The following MEGF6 variants were observed in gnomAD, a reference collection of about 807,000 sequenced individuals.
The protein encoded by MEGF6 is multiple EGF like domains 6, also known as multiple epidermal growth factor-like domains protein 6.
MEGF6 carries 184 observed loss-of-function variants against 207.1 expected under a neutral mutation model. That is an observed-to-expected ratio of 0.89 (90% confidence interval 0.79 to 1.00). MEGF6 has a LOEUF of 1.00. Among genes scored for constraint, MEGF6 ranks in the 50% least tolerant of loss-of-function variants. MEGF6 has a pLI of 0.00. For missense variants in MEGF6, 2,282 were observed against 2,202.9 expected, an observed-to-expected ratio of 1.04 and a Z score of -0.72; for synonymous variants, 1,038 against 910.0, an observed-to-expected ratio of 1.14 and a Z score of -2.53.
intron 5 of MEGF6, among the ~76,000 whole-genome samples, chr1:3,523,083 G>GGC (rs1557747163): frequency 6.6e-6 from 1 of 151,980 alleles, no homozygotes; most frequent in African/African-American, 2.4e-5. Context: ...CCGGGGGGGG[G>GGC]GCCCCAGGGC....
At chr1:3,546,929 C>CAGGG (rs1642733582) in intron 4 of MEGF6, 1 of 95,642 alleles carries the variant, frequency 1.0e-5, no homozygotes, top group South Asian at 2.9e-4. Flanking sequence ...AGGGGGCTGC[C>CAGGG]AGGCGGGGTG....
At chr1:3,520,577 G>A (rs1641707995) in intron 5 of MEGF6, among the ~76,000 whole-genome samples, 1 of 152,064 alleles carries the variant, frequency 6.6e-6, no homozygotes, top group African/African-American at 2.4e-5. Context: ...GGGCACACCA[G>A]GACTGAGCGG....
the MEGF6 span, among the ~76,000 whole-genome samples, chr1:3,620,183 A>T: frequency 6.6e-6 from 1 of 152,240 alleles, no homozygotes; most frequent in African/African-American, 2.4e-5. Context: ...GAAAGTGTAC[A>T]GTCATGTGCG....
intron 10 of MEGF6, 86 bp from the exon 11 acceptor site, chr1:3,510,078 C>G (rs1223628702): frequency 6.7e-7 from 1 of 1,487,746 alleles, no homozygotes; most frequent in African/African-American, 1.4e-5. Flanking sequence ...ACCCACAGGA[C>G]TGAAGCCCTG....
chr1:3,501,931 A>G lies in MEGF6; in HGVS notation c.2189-10T>C, dbSNP rs2100944866. ...GTCCCCACCGGGCACTCTGCAGGAG[A>G]AAGCACGAGGGGCCTTAGCCGCACC... On this transcript the variant is annotated splice_polypyrimidine_tract_variant and intron_variant, in intron 17 of 36. Transcript: ENST00000356575. 1 of 1,518,718 alleles carries G rather than the reference A, an allele frequency of 6.6e-7. No individual in the cohort carries two copies. The highest frequency in any genetic ancestry group is 8.8e-7 in the Non-Finnish European group (1 of 1,130,952). The allele number at this position is 1,518,718 out of a possible 1,614,324, so 94.1% of individuals were successfully genotyped here.
chr1:3,499,836 G>A lies in MEGF6; in HGVS notation c.2796C>T (p.Cys932=), dbSNP rs1640778917. ...GAACDHVSGA[C]TCPAGWRGTF... Reference sequence around the variant, plus strand: ...TGCCCCTCCAGCCGGCCGGGCAGGTGCAGGCCCCGCTGACGTGGTCACAGG... The same window carrying A: ...TGCCCCTCCAGCCGGCCGGGCAGGTACAGGCCCCGCTGACGTGGTCACAGG... The change falls in exon 22 of 37, where the codon TGC becomes TGT. Residue 932 remains cysteine (C), a synonymous_variant. Coordinates refer to ENST00000356575, the MANE Select transcript of MEGF6 (RefSeq NM_001409.4). 1.3e-6 allele frequency: 2 copies of A among 1,553,512 alleles called. No homozygotes were observed. The highest frequency in any genetic ancestry group is 1.4e-5 in the African/African-American group (1 of 73,472).
At chr1:3,525,643 G>A (rs1641933232) in intron 4 of MEGF6, among the ~76,000 whole-genome samples, 1 of 152,242 alleles carries the variant, frequency 6.6e-6, no homozygotes, top group African/African-American at 2.4e-5. Context: ...CAGGGAAAGT[G>A]CTGGCTGGAA....
At chr1:3,586,738 G>T (rs1438062943) in intron 3 of MEGF6, among the ~76,000 whole-genome samples, 1 of 152,202 alleles carries the variant, frequency 6.6e-6, no homozygotes, top group Non-Finnish European at 1.5e-5. Context: ...GTCCACAGAG[G>T]GCCCTGCAGC....
At position 3,494,202 on chromosome 1, in the gene MEGF6, G is replaced by T. The variant is rs746906642; in HGVS notation, c.4130-78C>A. ...AGTTTGCCCAGAGTGAGTAAAACCCGCCAATCCAGGGGCCCGAGAAAAGCC... is the reference window on the plus strand; with the variant it reads ...AGTTTGCCCAGAGTGAGTAAAACCCTCCAATCCAGGGGCCCGAGAAAAGCC... On this transcript the variant is annotated intron_variant, in intron 32 of 36. Transcript: ENST00000356575. 28 of 1,502,384 alleles carry T rather than the reference G, an allele frequency of 1.9e-5. No homozygotes were observed. The Admixed American group carries it at 5.2e-4, about 28-fold the overall frequency. 93.1% of individuals were successfully genotyped at this position (1,502,384 alleles called of 1,614,324 possible).
chr1:3,501,762 G>C (rs749898083), intron 18 of MEGF6, 34 bp downstream of exon 18: 6 of 1,605,512 alleles, frequency 3.7e-6, no homozygotes, highest in Non-Finnish European at 4.2e-6. Context: ...GTGCAGCCTG[G>C]GGAGGCGGAA....
At chr1:3,577,251 G>C (rs1367744281) in intron 4 of MEGF6, among the ~76,000 whole-genome samples, 1 of 152,182 alleles carries the variant, frequency 6.6e-6, no homozygotes, top group African/African-American at 2.4e-5. Context: ...TCTCCCAGGA[G>C]GCCCGCTACC....
chr1:3,601,701 G>GT (rs1644161836), intron 2 of MEGF6, among the ~76,000 whole-genome samples: 1 of 152,202 alleles, frequency 6.6e-6, no homozygotes, highest in African/African-American at 2.4e-5. Flanking sequence ...TTGCTTAACG[G>GT]TTTTTTTCTC....
At chr1:3,500,347 C>G (rs1051973031) in intron 21 of MEGF6, among the ~76,000 whole-genome samples, 3 of 152,240 alleles carry the variant, frequency 2.0e-5, no homozygotes, top group African/African-American at 7.2e-5. Flanking sequence ...TGGTGCAGGT[C>G]GGTGAGAGGG....
Position 3,494,468 on chromosome 1 carries a change from G to T in MEGF6, c.4032C>A (p.Cys1344Ter). 1 of 1,581,832 alleles carries T rather than the reference G, an allele frequency of 6.3e-7. No individual in the cohort carries two copies. Among genetic ancestry groups the T allele is most frequent in the Non-Finnish European group, 8.6e-7 (1 of 1,168,138 alleles). ...ACPPGRYGAA[C>*]HLECSCHNNS... ...TGTTGTGGCAGGAGCACTCCAGATG[G>T]CAGGCGGCTCCGTAGCGCCCAGGGG... The change falls in exon 32 of 37, where the codon TGC becomes TGA. Residue 1344 changes from cysteine (C) to a stop codon, truncating the protein, a stop_gained. Coordinates refer to ENST00000356575, the MANE Select transcript of MEGF6 (RefSeq NM_001409.4). LOFTEE classifies it high-confidence loss of function.
upstream of MEGF6, among the ~76,000 whole-genome samples, chr1:3,616,138 C>T (rs990926788): frequency 2.0e-5 from 3 of 152,146 alleles, no homozygotes; most frequent in South Asian, 2.1e-4. Context: ...AACTGCTCCC[C>T]ATGTCCGGTC....
chr1:3,492,661 G>A lies in MEGF6; in HGVS notation c.4494C>T (p.Tyr1498=). The change falls in exon 35 of 37, where the codon TAC becomes TAT. Residue 1498 remains tyrosine, a synonymous_variant. Coordinates refer to ENST00000356575, the MANE Select transcript of MEGF6 (RefSeq NM_001409.4). ...CACCTTCCCGGCACGTGGGCCCCAT[G>A]TAGCCATCCACACAGTGACACTGCC... ...VSGQCHCVDG[Y]MGPTCREGGP... The A allele has an allele frequency of 6.2e-7, 1 of 1,612,276 alleles. No homozygotes were observed. Among genetic ancestry groups the A allele is most frequent in the Non-Finnish European group, 8.5e-7 (1 of 1,179,562 alleles).
intron 21 of MEGF6, among the ~76,000 whole-genome samples, chr1:3,500,140 G>A (rs1039610037): frequency 1.3e-5 from 2 of 152,214 alleles, no homozygotes; most frequent in Non-Finnish European, 1.5e-5. Flanking sequence ...CAGCTTTAGG[G>A]ATGGGAACCT....
Position 3,489,354 on chromosome 1 carries a change from C to A in MEGF6, c.*1174G>T, listed in dbSNP as rs929579787. Among the ~76,000 whole-genome samples, 1 of 152,218 alleles carries A rather than the reference C, an allele frequency of 6.6e-6. No individual in the cohort carries two copies. The highest frequency in any genetic ancestry group is 1.5e-5 in the Non-Finnish European group (1 of 68,022). ...GGCGGCAGCCCAGACCCTAAGGGGG[C>A]CTTCTTAAGGGAGAGAGAGTCCTAT... is the stretch of plus-strand genomic sequence containing the variant. On this transcript the variant is annotated 3_prime_UTR_variant, in exon 37 of 37. Transcript: ENST00000356575.
Position 3,515,649 on chromosome 1 carries a change from C to A in MEGF6, c.605-122G>T, listed in dbSNP as rs965271458. 13 of 1,176,686 alleles carry A rather than the reference C, an allele frequency of 1.1e-5. No individual in the cohort carries two copies. In the African/African-American group the frequency reaches 1.7e-4, roughly 15 times the overall value. 72.9% of individuals were successfully genotyped at this position (1,176,686 alleles called of 1,614,324 possible). ...CTTCCTGCTGTAGGACCCCTCCCAG[C>A]CACTCCGAGCCCCTCCGCCTTTTCA... On this transcript the variant is annotated intron_variant, in intron 5 of 36. Coordinates refer to ENST00000356575, the MANE Select transcript of MEGF6 (RefSeq NM_001409.4).
Sources: gnomAD v4.1 joint callset for allele counts (sites outside exome capture counted in the v4.1 genomes callset) on GRCh38, gnomAD v4.1.1 for gene constraint, MANE v1.5 for transcripts, NCBI Gene and HGNC (gene_info 2026-07-23, HGNC 2026-07-21) for gene names.